RTN4RL1: variants seen among roughly 807,000 people sequenced by gnomAD.
RTN4RL1 encodes the protein reticulon 4 receptor like 1, also known as reticulon-4 receptor-like 1.
A neutral mutation model predicts 25.6 loss-of-function variants in RTN4RL1; 7 were observed. The ratio of observed to expected loss-of-function variants is 0.27; its 90% CI spans 0.16 to 0.51. The LOEUF (loss-of-function observed/expected upper bound fraction) is 0.51. RTN4RL1 is among the 20% of genes least tolerant of loss of function. The pLI is 0.97. For missense variants in RTN4RL1, 500 were observed against 615.6 expected (o/e 0.81, Z 1.99); for synonymous variants, 297 against 288.2 (o/e 1.03, Z -0.31).
At chr17:1,976,163 G>A (rs562128986) in intron 1 of RTN4RL1, among the ~76,000 whole-genome samples, 2 of 152,234 alleles carry the variant, frequency 1.3e-5, no homozygotes, top group African/African-American at 4.8e-5. Context: ...GATGGACTAT[G>A]TTCCCAGGAG....
At chr17:1,992,358 CAAA>C (rs1021180493) in intron 1 of RTN4RL1, among the ~76,000 whole-genome samples, 3 of 53,308 alleles carry the variant, frequency 5.6e-5, no homozygotes, top group Non-Finnish European at 8.1e-5. Context: ...GACTCTGTCT[CAAA>C]AAAAAAAAAA....
intron 1 of RTN4RL1, among the ~76,000 whole-genome samples, chr17:1,981,159 G>A (rs1205127225): frequency 1.3e-5 from 2 of 151,570 alleles, no homozygotes; most frequent in East Asian, 3.9e-4. Context: ...TGAGGAGGGA[G>A]GATCACTTGA....
intron 1 of RTN4RL1, among the ~76,000 whole-genome samples, chr17:2,008,937 A>C (rs2067022537): frequency 6.6e-6 from 1 of 151,836 alleles, no homozygotes; most frequent in Non-Finnish European, 1.5e-5. Flanking sequence ...GCAGGTTGTA[A>C]ATTTCCTGGG....
intron 1 of RTN4RL1, among the ~76,000 whole-genome samples, chr17:1,951,591 C>A (rs1053672009): frequency 1.3e-5 from 2 of 152,062 alleles, no homozygotes; most frequent in African/African-American, 2.4e-5. Flanking sequence ...GCTGGGATTA[C>A]AGGCACACGC....
intron 1 of RTN4RL1, among the ~76,000 whole-genome samples, chr17:1,973,089 A>ACGGCGGCTC (rs1311835573): frequency 6.6e-6 from 1 of 152,198 alleles, no homozygotes; most frequent in Non-Finnish European, 1.5e-5. Flanking sequence ...TAGGCTGGGC[A>ACGGCGGCTC]CGGCGGCTCA....
rs2066885783 is a variant in RTN4RL1, at chr17:1,986,006, C to A, written c.13+38847G>T. Among the ~76,000 whole-genome samples, 3 of 152,196 alleles carry A rather than the reference C, an allele frequency of 2.0e-5. No homozygotes were observed. The South Asian group carries it at 6.2e-4, about 32-fold the overall frequency. ...AGGATGGCCCCAGCTAAGCAACAAG[C>A]AGGAAGACACTTGCCTATAACCTTG... On this transcript the variant is annotated intron_variant, in intron 1 of 1. Coordinates refer to ENST00000331238, the MANE Select transcript of RTN4RL1 (RefSeq NM_178568.4).
At position 1,966,000 on chromosome 17, in the gene RTN4RL1, G is replaced by A. The variant is rs140365391; in HGVS notation, c.14-28192C>T. ...TCCAGCTCAAGAACAGGGCAGGCTCGCTGACACAGCCAAGACAAGCACATC... is the reference window on the plus strand; with the variant it reads ...TCCAGCTCAAGAACAGGGCAGGCTCACTGACACAGCCAAGACAAGCACATC... On this transcript the variant is annotated intron_variant, in intron 1 of 1. Transcript: ENST00000331238. 1.8e-4 allele frequency among the ~76,000 whole-genome samples: 28 copies of A among 152,212 alleles called. No homozygotes were observed. In the East Asian group the frequency reaches 5.2e-3, roughly 28 times the overall value.
At position 1,935,888 on chromosome 17, in the gene RTN4RL1, C is replaced by T; in HGVS notation, c.*608G>A. On this transcript the variant is annotated 3_prime_UTR_variant, in exon 2 of 2. Coordinates refer to ENST00000331238, the MANE Select transcript of RTN4RL1 (RefSeq NM_178568.4). ...TCCTTTGGTAATTGGTTCTTGGACC[C>T]CAGCAGTTGGACCTGGGTCTGCCAG... is the stretch of plus-strand genomic sequence containing the variant. 1 of 985,494 alleles carries T rather than the reference C, an allele frequency of 1.0e-6. No individual in the cohort carries two copies. The allele number at this position is 985,494 out of a possible 1,614,324, so 61.0% of individuals were successfully genotyped here. A position where few individuals can be genotyped will look rare whatever the true frequency, so the allele number is the denominator to read the frequency against.
At chr17:2,013,220 G>T (rs2067072056) in intron 1 of RTN4RL1, among the ~76,000 whole-genome samples, 1 of 152,176 alleles carries the variant, frequency 6.6e-6, no homozygotes, top group Admixed American at 6.5e-5. Context: ...AGCCCTAAGA[G>T]ATAATGTCAT....
At chr17:1,986,920 C>T (rs1234862077) in intron 1 of RTN4RL1, among the ~76,000 whole-genome samples, 1 of 152,028 alleles carries the variant, frequency 6.6e-6, no homozygotes, top group Non-Finnish European at 1.5e-5. Flanking sequence ...TGCAACTGAG[C>T]CGTGCGACCT....
intron 1 of RTN4RL1, among the ~76,000 whole-genome samples, chr17:1,995,204 T>A (rs902551433): frequency 1.3e-5 from 2 of 151,994 alleles, no homozygotes; most frequent in Admixed American, 6.6e-5. Context: ...GGCGGGTGGA[T>A]CACCTGAGGA....
At position 1,936,146 on chromosome 17, in the gene RTN4RL1, G is replaced by A. The variant is rs1915298265; in HGVS notation, c.*350C>T. Reference sequence around the variant, plus strand: ...GCCCTCCAGACCTCTCGGAACGATCGGGATTCCACAGAGCCCCGGTGCCGC... The same window carrying A: ...GCCCTCCAGACCTCTCGGAACGATCAGGATTCCACAGAGCCCCGGTGCCGC... On this transcript the variant is annotated 3_prime_UTR_variant, in exon 2 of 2. Transcript: ENST00000331238. The A allele has an allele frequency of 6.4e-6, 7 of 1,087,896 alleles. No homozygotes were observed. The highest frequency in any genetic ancestry group is 4.1e-4 in the Middle Eastern group (1 of 2,430). 67.4% of individuals were successfully genotyped at this position (1,087,896 alleles called of 1,614,324 possible).
chr17:1,939,218 T>C (rs993565442), intron 1 of RTN4RL1, among the ~76,000 whole-genome samples: 1 of 151,628 alleles, frequency 6.6e-6, no homozygotes, highest in Non-Finnish European at 1.5e-5. Context: ...CCGGGCGTGG[T>C]GGCGCGCACT....
chr17:2,015,824 G>A (rs1003140484), intron 1 of RTN4RL1, among the ~76,000 whole-genome samples: 1 of 152,154 alleles, frequency 6.6e-6, no homozygotes, highest in Non-Finnish European at 1.5e-5. Flanking sequence ...CCCATCAGCC[G>A]CAGGTGACAG....
chr17:1,956,694 C>T (rs1256568614), intron 1 of RTN4RL1, among the ~76,000 whole-genome samples: 1 of 150,678 alleles, frequency 6.6e-6, no homozygotes, highest in Non-Finnish European at 1.5e-5. Context: ...CAGGGGAGCT[C>T]AGGGTCTGGG....
At chr17:1,950,559 G>T (rs1915651625) in intron 1 of RTN4RL1, among the ~76,000 whole-genome samples, 2 of 152,004 alleles carry the variant, frequency 1.3e-5, no homozygotes, top group Non-Finnish European at 2.9e-5. Context: ...TAAATTGGTG[G>T]GAATGAAGCC....
At chr17:1,939,914 G>A (rs957947601) in intron 1 of RTN4RL1, among the ~76,000 whole-genome samples, 3 of 152,192 alleles carry the variant, frequency 2.0e-5, no homozygotes, top group Non-Finnish European at 2.9e-5. Flanking sequence ...TTCCAGCCAG[G>A]CCTCATGGGA....
At chr17:1,993,877 G>A (rs147154496) in intron 1 of RTN4RL1, among the ~76,000 whole-genome samples, 1 of 151,998 alleles carries the variant, frequency 6.6e-6, no homozygotes, top group Non-Finnish European at 1.5e-5. Context: ...ATTACTTTTG[G>A]CCTTTTCCAA....
chr17:2,022,696 G>A (rs773970155), intron 1 of RTN4RL1, among the ~76,000 whole-genome samples: 2 of 152,258 alleles, frequency 1.3e-5, no homozygotes, highest in African/African-American at 2.4e-5. Flanking sequence ...CCGTCCACAC[G>A]ATGCCCTAGG....
Sources: gnomAD v4.1 joint callset for allele counts (sites outside exome capture counted in the v4.1 genomes callset) on GRCh38, gnomAD v4.1.1 for gene constraint, MANE v1.5 for transcripts, NCBI Gene and HGNC (gene_info 2026-07-23, HGNC 2026-07-21) for gene names.